The following AGBL1 variants were observed in gnomAD, a reference collection of about 807,000 sequenced individuals.
The protein encoded by AGBL1 is AGBL carboxypeptidase 1.
Under a neutral mutation model 118.9 loss-of-function variants are expected in AGBL1, and 130 were observed. That is an observed-to-expected ratio of 1.09 (90% CI 0.95 to 1.26). The LOEUF is 1.26. Among genes scored for constraint, AGBL1 ranks in the 50% most tolerant of loss-of-function variants. The pLI, the probability that AGBL1 is intolerant of heterozygous loss-of-function variation, is 0.00. For missense variants in AGBL1, 1,584 were observed against 1,298.1 expected, an observed-to-expected ratio of 1.22 and a Z score of -3.38; for synonymous variants, 555 against 478.9, an observed-to-expected ratio of 1.16 and a Z score of -2.08.
At chr15:86,750,273 A>T (rs988837669) in intron 22 of AGBL1, among the ~76,000 whole-genome samples, 2 of 152,064 alleles carry the variant, frequency 1.3e-5, no homozygotes, top group African/African-American at 2.4e-5. Context: ...TAAGTATAAG[A>T]TTTAAAAATT....
At chr15:86,136,549 C>T (rs181822133) in intron 1 of AGBL1, among the ~76,000 whole-genome samples, 1 of 152,288 alleles carries the variant, frequency 6.6e-6, no homozygotes. Flanking sequence ...AGAAAAGGAA[C>T]TGGAGCTGAG....
At chr15:86,749,522 C>T (rs539930714) in intron 22 of AGBL1, among the ~76,000 whole-genome samples, 56 of 152,064 alleles carry the variant, frequency 3.7e-4, no homozygotes, top group Non-Finnish European at 6.3e-4. Flanking sequence ...TGCCTAATTG[C>T]CCTGGCCAGA....
intron 1 of AGBL1, among the ~76,000 whole-genome samples, chr15:86,096,746 T>C (rs1428098367): frequency 1.3e-5 from 2 of 152,170 alleles, no homozygotes; most frequent in African/African-American, 2.4e-5. Context: ...TCAATATCCC[T>C]GGAAGAAGGA....
intron 20 of AGBL1, among the ~76,000 whole-genome samples, chr15:86,549,271 C>T (rs1311622790): frequency 6.6e-6 from 1 of 152,144 alleles, no homozygotes; most frequent in Admixed American, 6.5e-5. Context: ...AGAACTGCCA[C>T]AATTTTGAAT....
chr15:86,765,034 G>A (rs1259573995), intron 22 of AGBL1, among the ~76,000 whole-genome samples: 1 of 151,978 alleles, frequency 6.6e-6, no homozygotes, highest in African/African-American at 2.4e-5. Context: ...ACCAGAGGGA[G>A]AAGAAGCTTG....
chr15:86,084,696 TATC>T (rs1220161193), intron 1 of AGBL1, among the ~76,000 whole-genome samples: 1 of 152,234 alleles, frequency 6.6e-6, no homozygotes, highest in Non-Finnish European at 1.5e-5. Context: ...TTATAACTGA[TATC>T]ATCTCCCACT....
intron 21 of AGBL1, among the ~76,000 whole-genome samples, chr15:86,572,537 G>A (rs568140746): frequency 1.5e-3 from 230 of 152,290 alleles, no homozygotes; most frequent in Non-Finnish European, 2.6e-3. Context: ...GAGACTGTCC[G>A]CCTCCTGCCT....
At chr15:86,492,610 GAAAAAA>G (rs990283241) in intron 18 of AGBL1, among the ~76,000 whole-genome samples, 2 of 53,376 alleles carry the variant, frequency 3.7e-5, no homozygotes. Flanking sequence ...AAAAAAAAAA[GAAAAAA>G]AAAGAAAGTG....
chr15:86,346,497 C>T (rs2080539767), intron 17 of AGBL1, among the ~76,000 whole-genome samples: 1 of 151,938 alleles, frequency 6.6e-6, no homozygotes, highest in Non-Finnish European at 1.5e-5. Context: ...CAGGCGCCCG[C>T]CACCATGCCT....
intron 17 of AGBL1, among the ~76,000 whole-genome samples, chr15:86,304,278 C>A (rs2079802018): frequency 6.6e-6 from 1 of 152,148 alleles, no homozygotes; most frequent in Non-Finnish European, 1.5e-5. Flanking sequence ...AACCTAACCA[C>A]CTCCACTGGG....
intron 21 of AGBL1, among the ~76,000 whole-genome samples, chr15:86,649,703 G>GTTT (rs147029398): frequency 0.043 from 5,962 of 140,156 alleles, 410 homozygotes; most frequent in African/African-American, 0.14. Context: ...ATTAATTTGG[G>GTTT]TTTTTTTTCT....
chr15:86,165,377 C>A lies in AGBL1; in HGVS notation c.488+6351C>A, dbSNP rs769618635. ...AAATGTCCTGCTTCTCTTCTCCCTG[C>A]CCCCAAATCACTCACTGCCTCTGCC... On this transcript the variant is annotated intron_variant, in intron 5 of 22. Coordinates refer to ENST00000614907, the MANE Select transcript of AGBL1 (RefSeq NM_001386094.1). 2.2e-4 allele frequency among the ~76,000 whole-genome samples: 33 copies of A among 152,132 alleles called. 1 individual carries two copies. The highest frequency in any genetic ancestry group is 6.8e-4 in the African/African-American group (28 of 41,438).
At chr15:86,107,875 TC>T (rs1487758018) in intron 1 of AGBL1, among the ~76,000 whole-genome samples, 1 of 152,174 alleles carries the variant, frequency 6.6e-6, no homozygotes, top group Non-Finnish European at 1.5e-5. Flanking sequence ...GCCTGGTGCA[TC>T]CATATGGGTT....
At chr15:86,723,824 A>G (rs1371255216) in intron 22 of AGBL1, among the ~76,000 whole-genome samples, 1 of 152,108 alleles carries the variant, frequency 6.6e-6, no homozygotes, top group South Asian at 2.1e-4. Context: ...GGGGAGTGAA[A>G]AGGTGGCAGG....
At chr15:86,392,594 A>G (rs758771994) in intron 17 of AGBL1, among the ~76,000 whole-genome samples, 3 of 152,168 alleles carry the variant, frequency 2.0e-5, no homozygotes, top group Non-Finnish European at 4.4e-5. Flanking sequence ...AAATGAATGG[A>G]TGTTTATATA....
At chr15:86,355,463 A>G (rs1480909082) in intron 17 of AGBL1, among the ~76,000 whole-genome samples, 2 of 152,112 alleles carry the variant, frequency 1.3e-5, no homozygotes, top group Non-Finnish European at 2.9e-5. Flanking sequence ...TAAAAAAGAG[A>G]TTCCATGTGT....
At chr15:86,878,431 G>C (rs1443394352) in intron 22 of AGBL1, among the ~76,000 whole-genome samples, 2 of 152,126 alleles carry the variant, frequency 1.3e-5, no homozygotes, top group Admixed American at 6.5e-5. Context: ...GCTGACACCT[G>C]TTCTGGAGAA....
At chr15:86,418,712 C>T (rs1462454611) in intron 18 of AGBL1, among the ~76,000 whole-genome samples, 1 of 152,120 alleles carries the variant, frequency 6.6e-6, no homozygotes, top group African/African-American at 2.4e-5. Flanking sequence ...AGAGGAGACC[C>T]CAGCTCCTGA....
chr15:86,119,726 G>A (rs747606933), intron 1 of AGBL1, among the ~76,000 whole-genome samples: 1 of 151,798 alleles, frequency 6.6e-6, no homozygotes, highest in East Asian at 1.9e-4. Flanking sequence ...GAAACTAGTA[G>A]ATAAAAGTTG....
Sources: allele counts gnomAD v4.1 joint callset (sites outside exome capture counted in the v4.1 genomes callset), GRCh38; gene constraint gnomAD v4.1.1; transcripts MANE v1.5; gene names NCBI Gene and HGNC (gene_info 2026-07-23, HGNC 2026-07-21).